The following IL11RA variants were observed in gnomAD, a reference collection of about 807,000 sequenced individuals.
The protein encoded by IL11RA is interleukin 11 receptor subunit alpha, also known as interleukin-11 receptor subunit alpha.
IL11RA carries 51 observed loss-of-function variants against 57.0 expected under a neutral mutation model. That is an observed-to-expected ratio of 0.89 (90% CI 0.71 to 1.13). IL11RA has a LOEUF of 1.13. Ranked by LOEUF, IL11RA falls within the 50% of genes most tolerant of loss-of-function variation. The pLI is 0.00. For synonymous variants in IL11RA, 199 were observed against 217.5 expected, an observed-to-expected ratio of 0.91 and a Z score of 0.75; for missense variants, 498 against 539.4, an observed-to-expected ratio of 0.92 and a Z score of 0.76.
At chr9:34,659,074 G>A (rs553894177) in intron 8 of IL11RA, among the ~76,000 whole-genome samples, 8 of 152,182 alleles carry the variant, frequency 5.3e-5, no homozygotes, top group Non-Finnish European at 1.5e-5. Context: ...ACAGGTGCCC[G>A]CCGCCATGCC....
chr9:34,660,503 G>A lies in IL11RA; in HGVS notation c.1073-1G>A, dbSNP rs750277587. The stretch of plus-strand genomic sequence containing the variant: ...CAGTGACATGTGGCCCTCCCCCTCA[G>A]ATCACAGGGACTCTGTGGAGCAGGT... On this transcript the variant is annotated splice_acceptor_variant, in intron 10 of 12. Coordinates refer to ENST00000441545, the MANE Select transcript of IL11RA (RefSeq NM_001142784.3). LOFTEE classifies it high-confidence loss of function. 2 of 1,614,188 alleles carry A rather than the reference G, an allele frequency of 1.2e-6. No individual in the cohort carries two copies. Among genetic ancestry groups the A allele is most frequent in the Non-Finnish European group, 1.7e-6 (2 of 1,179,998 alleles).
chr9:34,660,177 T>C lies in IL11RA; in HGVS notation c.953-97T>C, dbSNP rs543062036. 18 of 1,572,868 alleles carry C rather than the reference T, an allele frequency of 1.1e-5. No homozygotes were observed. In the African/African-American group the frequency reaches 2.3e-4, roughly 20 times the overall value. On this transcript the variant is annotated intron_variant, in intron 9 of 12. Coordinates refer to ENST00000441545, the MANE Select transcript of IL11RA (RefSeq NM_001142784.3). ...GCCCTATCAGGCTCCTCCTCCTAGG[T>C]ACCTTGACTTCCAACCTAGGCCTTG...
At chr9:34,661,161 C>T (rs1821449489) in intron 12 of IL11RA, among the ~76,000 whole-genome samples, 1 of 151,246 alleles carries the variant, frequency 6.6e-6, no homozygotes, top group African/African-American at 2.4e-5. Context: ...GGAAGGACCC[C>T]AGGTGGACTT....
At position 34,658,496 on chromosome 9, in the gene IL11RA, G is replaced by A. The variant is rs377455614; in HGVS notation, c.647-24G>A. The stretch of plus-strand genomic sequence containing the variant: ...GTGATGGAGACCCATAGCCTACCCT[G>A]ACTTTGTGTCTTGATGCCCTTAGTG... On this transcript the variant is annotated intron_variant, in intron 7 of 12. Transcript: ENST00000441545. The surrounding 1 kb of genome is among the most constrained non-coding windows in gnomAD (Gnocchi z 4.0). The A allele has an allele frequency of 6.4e-5, 103 of 1,613,980 alleles. No individual in the cohort carries two copies. The East Asian group carries it at 1.7e-3, about 26-fold the overall frequency.
intron 1 of IL11RA, among the ~76,000 whole-genome samples, chr9:34,652,954 G>A (rs1220621373): frequency 2.6e-5 from 4 of 152,132 alleles, no homozygotes; most frequent in Non-Finnish European, 4.4e-5. Flanking sequence ...AGATACCTCT[G>A]TGTGTTTCTT....
chr9:34,661,595 C>T lies in IL11RA; in HGVS notation c.*97C>T. 4.6e-6 allele frequency: 6 copies of T among 1,314,228 alleles called. No individual in the cohort carries two copies. The South Asian group carries it at 5.9e-5, about 13-fold the overall frequency. 81.4% of individuals were successfully genotyped at this position (1,314,228 alleles called of 1,614,324 possible). ...ACAGTAGATCCCTATGGTTGGATCT[C>T]AGCTGGAAGTTCTGTTTGGAGCCCA... is the stretch of plus-strand genomic sequence containing the variant. On this transcript the variant is annotated 3_prime_UTR_variant, in exon 13 of 13. Coordinates refer to ENST00000441545, the MANE Select transcript of IL11RA (RefSeq NM_001142784.3).
At chr9:34,656,712 T>A in intron 3 of IL11RA, 27 bp from the exon 4 acceptor site, 2 of 1,613,536 alleles carry the variant, frequency 1.2e-6, no homozygotes, top group Non-Finnish European at 1.7e-6. Context: ...CTTGTCTTTG[T>A]CCATTGTCAC....
chr9:34,657,400 A>AGACC, intron 6 of IL11RA, 21 bp from the exon 7 acceptor site: 1 of 1,614,162 alleles, frequency 6.2e-7, no homozygotes, highest in Non-Finnish European at 8.5e-7. Flanking sequence ...TCAAAGCCAA[A>AGACC]GACCACATCC....
rs12339005 is a variant in IL11RA, at chr9:34,653,034, C to T, written c.-1+801C>T. Among the ~76,000 whole-genome samples the T allele has an allele frequency of 3.2e-3, 491 of 152,298 alleles. 3 individuals carry two copies. The highest frequency in any genetic ancestry group is 0.011 in the African/African-American group (465 of 41,562). ...TTTTGCCTTTCCTTTCTCTCTGTCTCTCTCTGTGCCCCTATGCCTGCCTTC... is the reference window on the plus strand; with the variant it reads ...TTTTGCCTTTCCTTTCTCTCTGTCTTTCTCTGTGCCCCTATGCCTGCCTTC... On this transcript the variant is annotated intron_variant, in intron 1 of 12. Transcript: ENST00000441545. This position sits in a 1 kb window ranked among gnomAD's most constrained non-coding sequence, Gnocchi z 4.5.
chr9:34,656,613 GAAAGCCAGTA>G, intron 3 of IL11RA, 116 bp from the exon 4 acceptor site: 1 of 1,053,118 alleles, frequency 9.5e-7, no homozygotes. Flanking sequence ...AAGGGGCTTT[GAAAGCCAGTA>G]AAAGGAATTT....
At chr9:34,657,384 G>A in intron 6 of IL11RA, 37 bp from the exon 7 acceptor site, 1 of 1,614,136 alleles carries the variant, frequency 6.2e-7, no homozygotes, top group East Asian at 2.2e-5. Context: ...CCCACAGTAG[G>A]CATTTTCAAA....
chr9:34,660,178 A>T (rs1821425262), intron 9 of IL11RA, 96 bp from the exon 10 acceptor site: 1 of 1,567,004 alleles, frequency 6.4e-7, no homozygotes, highest in African/African-American at 1.3e-5. Context: ...CCTCCTAGGT[A>T]CCTTGACTTC....
At chr9:34,656,686 G>C in intron 3 of IL11RA, 53 bp from the exon 4 acceptor site, 1 of 1,600,650 alleles carries the variant, frequency 6.2e-7, no homozygotes. Context: ...GGCATGGTCT[G>C]ACTTATGCTT....
In IL11RA at chr9:34,661,578, T is replaced by A. The variant is rs1821457942; in HGVS notation, c.*80T>A. 3 of 1,390,446 alleles carry A rather than the reference T, an allele frequency of 2.2e-6. No homozygotes were observed. In the East Asian group the frequency reaches 6.8e-5, roughly 32 times the overall value. 86.1% of individuals were successfully genotyped at this position (1,390,446 alleles called of 1,614,324 possible). A position where few individuals can be genotyped will look rare whatever the true frequency, so the allele number is the denominator to read the frequency against. On this transcript the variant is annotated 3_prime_UTR_variant, in exon 13 of 13. Transcript: ENST00000441545. ...GATAGAAACCAGGCAGGACAGTAGA[T>A]CCCTATGGTTGGATCTCAGCTGGAA... is the stretch of plus-strand genomic sequence containing the variant.
intron 3 of IL11RA, chr9:34,655,937 G>A: frequency 1.9e-6 from 1 of 517,162 alleles, no homozygotes; most frequent in South Asian, 2.0e-5. Context: ...ATCTTAGTGG[G>A]GAAGACAATA....
Position 34,655,246 on chromosome 9 carries a change from G to A in IL11RA, c.29G>A (p.Arg10Lys), listed in dbSNP as rs1821320245. 6.2e-7 allele frequency: 1 copy of A among 1,612,286 alleles called. No homozygotes were observed. The highest frequency in any genetic ancestry group is 8.5e-7 in the Non-Finnish European group (1 of 1,179,342). Reference protein sequence around the residue: MSSSCSGLSRVLVAVATALV... With the variant: MSSSCSGLSKVLVAVATALV... Reference sequence around the variant, plus strand: ...AGCAGCAGCTGCTCAGGGCTGAGCAGGGTCCTGGTGGCCGTGGCTACAGCC... The same window carrying A: ...AGCAGCAGCTGCTCAGGGCTGAGCAAGGTCCTGGTGGCCGTGGCTACAGCC... The change falls in exon 2 of 13, where the codon AGG becomes AAG. Residue 10 changes from arginine to lysine, a missense_variant. Transcript: ENST00000441545.
At chr9:34,657,768 C>T (rs1821376387) in intron 7 of IL11RA, among the ~76,000 whole-genome samples, 181 bp downstream of exon 7, 1 of 152,196 alleles carries the variant, frequency 6.6e-6, no homozygotes, top group Non-Finnish European at 1.5e-5. Context: ...GTTATTTCAG[C>T]ACACACTCTA....
chr9:34,655,204 A>C lies in IL11RA; in HGVS notation c.1-14A>C, dbSNP rs1016784107. ...TCAGGGGTCGGGGATTTTTGACTCT[A>C]CCTCTCCCCACAGATGAGCAGCAGC... On this transcript the variant is annotated splice_polypyrimidine_tract_variant and intron_variant, in intron 1 of 12. Transcript: ENST00000441545. 1 of 1,590,186 alleles carries C rather than the reference A, an allele frequency of 6.3e-7. No homozygotes were observed. The highest frequency in any genetic ancestry group is 1.4e-5 in the African/African-American group (1 of 74,002).
At chr9:34,655,765 G>A (rs1257186040) in intron 3 of IL11RA, 100 bp downstream of exon 3, 13 of 954,072 alleles carry the variant, frequency 1.4e-5, no homozygotes, top group South Asian at 4.1e-5. Flanking sequence ...CGCTCTGTCC[G>A]TAATCCTCAC....
Sources: gnomAD v4.1 joint callset for allele counts (sites outside exome capture counted in the v4.1 genomes callset) on GRCh38, gnomAD v4.1.1 for gene constraint, Gnocchi (gnomAD v3.1) non-coding constraint, MANE v1.5 for transcripts, NCBI Gene and HGNC (gene_info 2026-07-23, HGNC 2026-07-21) for gene names.